The following CHCHD3 variants were observed in gnomAD, a reference collection of about 807,000 sequenced individuals.
CHCHD3 encodes coiled-coil-helix-coiled-coil-helix domain containing 3.
In CHCHD3, 20 loss-of-function variants were observed where a neutral mutation model predicts 38.2. That is an observed-to-expected ratio of 0.52 (90% CI 0.37 to 0.76). The LOEUF is 0.76. CHCHD3 is among the 30% of genes least tolerant of loss of function. The pLI is 0.00. For synonymous variants in CHCHD3, 82 were observed against 100.0 expected (o/e 0.82, Z 1.07); for missense variants, 245 against 279.2 (o/e 0.88, Z 0.87).
At chr7:132,940,189 A>T (rs555255346) in intron 4 of CHCHD3, among the ~76,000 whole-genome samples, 1 of 152,326 alleles carries the variant, frequency 6.6e-6, no homozygotes, top group South Asian at 2.1e-4. Flanking sequence ...TTGAAATACT[A>T]CATGAGGCAA....
At chr7:133,039,557 C>T (rs1343819749) in intron 2 of CHCHD3, among the ~76,000 whole-genome samples, 1 of 152,206 alleles carries the variant, frequency 6.6e-6, no homozygotes, top group Non-Finnish European at 1.5e-5. Flanking sequence ...CATAACTCAG[C>T]TCTATATGGA....
intron 2 of CHCHD3, among the ~76,000 whole-genome samples, chr7:133,057,301 C>T (rs893647293): frequency 6.6e-6 from 1 of 152,160 alleles, no homozygotes; most frequent in Non-Finnish European, 1.5e-5. Context: ...ATGGCTCATG[C>T]CTATAATCCC....
Position 132,922,679 on chromosome 7 carries a change from A to G in CHCHD3, c.370-36934T>C, listed in dbSNP as rs147339770. 6.5e-3 allele frequency among the ~76,000 whole-genome samples: 989 copies of G among 152,022 alleles called. 11 individuals are homozygous for G. Among genetic ancestry groups the G allele is most frequent in the African/African-American group, 0.022 (918 of 41,420 alleles). On this transcript the variant is annotated intron_variant, in intron 4 of 7. Coordinates refer to ENST00000262570, the MANE Select transcript of CHCHD3 (RefSeq NM_017812.4). ...CCCACTTGGGCAAGAAACTATTCTG[A>G]TTATTTGACTTCATAATCCAAGTGT... is the stretch of plus-strand genomic sequence containing the variant.
At chr7:132,865,654 C>T (rs969670634) in intron 5 of CHCHD3, among the ~76,000 whole-genome samples, 4 of 151,074 alleles carry the variant, frequency 2.6e-5, no homozygotes, top group African/African-American at 9.8e-5. Flanking sequence ...GAAATGAAAA[C>T]TTAAGACAAA....
At chr7:133,059,803 T>C (rs1183030713) in intron 2 of CHCHD3, among the ~76,000 whole-genome samples, 1 of 152,186 alleles carries the variant, frequency 6.6e-6, no homozygotes, top group Non-Finnish European at 1.5e-5. Context: ...CCTGCTTGCC[T>C]CTTAGTGGAC....
At chr7:132,794,874 A>G (rs1357616879) in intron 7 of CHCHD3, among the ~76,000 whole-genome samples, 1 of 152,262 alleles carries the variant, frequency 6.6e-6, no homozygotes, top group Non-Finnish European at 1.5e-5. Flanking sequence ...AAGGTCACAG[A>G]GCTGGTAAAA....
At chr7:132,956,168 C>A (rs772283926) in intron 4 of CHCHD3, among the ~76,000 whole-genome samples, 1 of 152,230 alleles carries the variant, frequency 6.6e-6, no homozygotes, top group Non-Finnish European at 1.5e-5. Context: ...AACATTAAGG[C>A]TTCCCTGAAT....
chr7:132,978,349 A>G (rs1811826241), intron 3 of CHCHD3, among the ~76,000 whole-genome samples: 1 of 152,172 alleles, frequency 6.6e-6, no homozygotes, highest in Admixed American at 6.5e-5. Context: ...TAAAATCACA[A>G]ATTGACTCTA....
intron 4 of CHCHD3, among the ~76,000 whole-genome samples, chr7:132,923,030 A>C (rs10265191): frequency 1.1e-3 from 166 of 152,330 alleles, no homozygotes; most frequent in African/African-American, 3.8e-3. Flanking sequence ...GAACACCAGA[A>C]TGAAACAGTC....
At chr7:132,970,153 T>C (rs1585685599) in intron 4 of CHCHD3, among the ~76,000 whole-genome samples, 1 of 152,156 alleles carries the variant, frequency 6.6e-6, no homozygotes, top group African/African-American at 2.4e-5. Flanking sequence ...TGATTCCCAC[T>C]CAGCAACTTC....
intron 5 of CHCHD3, among the ~76,000 whole-genome samples, chr7:132,864,128 T>C (rs1405532380): frequency 6.6e-6 from 1 of 152,244 alleles, no homozygotes; most frequent in Non-Finnish European, 1.5e-5. Context: ...TTACCTAGGC[T>C]TTGCACATAT....
rs772404403 is a variant in CHCHD3 at position 133,035,034 on chromosome 7, T to C, written c.170-10407A>G. ...AGAGAGTGTGTCCTCATTGGAGTAC[T>C]TGCGCTTAAATTCATCCAACACAAA... On this transcript the variant is annotated intron_variant, in intron 2 of 7. Coordinates refer to ENST00000262570, the MANE Select transcript of CHCHD3 (RefSeq NM_017812.4). This position sits in a 1 kb window ranked among gnomAD's most constrained non-coding sequence, Gnocchi z 4.7. 5 of 1,613,378 alleles carry C rather than the reference T, an allele frequency of 3.1e-6. No individual in the cohort carries two copies. Among genetic ancestry groups the C allele is most frequent in the Non-Finnish European group, 4.2e-6 (5 of 1,179,574 alleles).
At chr7:132,794,900 C>T (rs1430439784) in intron 7 of CHCHD3, among the ~76,000 whole-genome samples, 1 of 152,190 alleles carries the variant, frequency 6.6e-6, no homozygotes, top group East Asian at 1.9e-4. Flanking sequence ...GGGTACAAAC[C>T]CAGGTCTGCC....
In CHCHD3 at chr7:132,906,290, A is replaced by T. The variant is rs535858976; in HGVS notation, c.370-20545T>A. ...TTTGTCACTTTGCACAAAATATTCT[A>T]GGCTACAGTAAACAATTAGTGCTTT... On this transcript the variant is annotated intron_variant, in intron 4 of 7. Transcript: ENST00000262570. Among the ~76,000 whole-genome samples the T allele has an allele frequency of 1.9e-3, 294 of 152,326 alleles. 1 individual carries two copies. Among genetic ancestry groups the T allele is most frequent in the African/African-American group, 6.8e-3 (281 of 41,582 alleles).
At chr7:132,889,045 A>G (rs1003405498) in intron 4 of CHCHD3, among the ~76,000 whole-genome samples, 1 of 152,086 alleles carries the variant, frequency 6.6e-6, no homozygotes, top group Non-Finnish European at 1.5e-5. Context: ...ATCAGAAAAA[A>G]TCTTTTAAAC....
At chr7:132,908,995 G>A (rs976491211) in intron 4 of CHCHD3, among the ~76,000 whole-genome samples, 1 of 152,074 alleles carries the variant, frequency 6.6e-6, no homozygotes, top group Admixed American at 6.6e-5. Flanking sequence ...CCGGTAAGAG[G>A]TAATTGAATC....
chr7:132,857,271 G>C (rs950878744), intron 5 of CHCHD3, among the ~76,000 whole-genome samples: 1 of 152,058 alleles, frequency 6.6e-6, no homozygotes, highest in Non-Finnish European at 1.5e-5. Context: ...GAACTTTAAC[G>C]TGTAAAGACC....
intron 6 of CHCHD3, among the ~76,000 whole-genome samples, chr7:132,817,201 T>C (rs1807222438): frequency 6.6e-6 from 1 of 151,940 alleles, no homozygotes; most frequent in African/African-American, 2.4e-5. Flanking sequence ...GTCCCAAGCT[T>C]TCTTTCTTTT....
At chr7:132,966,681 T>C (rs1303879861) in intron 4 of CHCHD3, among the ~76,000 whole-genome samples, 1 of 152,198 alleles carries the variant, frequency 6.6e-6, no homozygotes, top group East Asian at 1.9e-4. Context: ...AACTGACAGT[T>C]GTGTGACTTG....
Sources: gnomAD v4.1 joint callset for allele counts (sites outside exome capture counted in the v4.1 genomes callset) on GRCh38, gnomAD v4.1.1 for gene constraint, Gnocchi (gnomAD v3.1) non-coding constraint, MANE v1.5 for transcripts, NCBI Gene and HGNC (gene_info 2026-07-23, HGNC 2026-07-21) for gene names.